MYO5B: variants seen among roughly 807,000 people sequenced by gnomAD.
The protein encoded by MYO5B is unconventional myosin-Vb.
MYO5B carries 143 observed loss-of-function variants against 229.3 expected under a neutral mutation model. That is an observed-to-expected ratio of 0.62 (90% confidence interval 0.54 to 0.72). The LOEUF (loss-of-function observed/expected upper bound fraction) is 0.72. Among genes scored for constraint, MYO5B ranks in the 30% least tolerant of loss-of-function variants. MYO5B has a pLI of 0.00. For missense variants in MYO5B, 2,321 were observed against 2,331.0 expected (o/e 1.00, Z 0.09); for synonymous variants, 918 against 885.2 (o/e 1.04, Z -0.66).
At chr18:50,010,065 G>C (rs947772232) in intron 4 of MYO5B, among the ~76,000 whole-genome samples, 1 of 152,244 alleles carries the variant, frequency 6.6e-6, no homozygotes, top group Admixed American at 6.5e-5. Context: ...CAGGAAGGCT[G>C]TCATGAATAT....
At chr18:49,843,532 A>G in intron 33 of MYO5B, 140 bp from the exon 34 acceptor site, 1 of 1,106,718 alleles carries the variant, frequency 9.0e-7, no homozygotes, top group East Asian at 2.6e-5. Context: ...GAGGATTGGG[A>G]GAGAAGCCAC....
chr18:49,854,072 G>A (rs2024232582), intron 30 of MYO5B, among the ~76,000 whole-genome samples: 1 of 152,188 alleles, frequency 6.6e-6, no homozygotes, highest in Admixed American at 6.5e-5. Context: ...TGGCAAAACT[G>A]AGCTAATTAT....
At chr18:50,138,679 T>C (rs2032372893) in intron 1 of MYO5B, among the ~76,000 whole-genome samples, 1 of 152,050 alleles carries the variant, frequency 6.6e-6, no homozygotes, top group South Asian at 2.1e-4. Context: ...AGTGAAATTA[T>C]GCTCAATAAC....
rs190121143 is a variant in MYO5B at position 49,835,442 on chromosome 18, G to A, written c.5314-18C>T. On this transcript the variant is annotated intron_variant, in intron 38 of 39. Transcript: ENST00000285039. ...TTGACAATCTGTTGGGGATAAAAAC[G>A]GAATTTAGCACAGAGCTAAATGAAC... is the stretch of plus-strand genomic sequence containing the variant. 61 of 1,527,612 alleles carry A rather than the reference G, an allele frequency of 4.0e-5. No individual in the cohort carries two copies. The highest frequency in any genetic ancestry group is 1.3e-4 in the East Asian group (6 of 44,498). The allele number at this position is 1,527,612 out of a possible 1,614,324, so 94.6% of individuals were successfully genotyped here.
intron 13 of MYO5B, 111 bp from the exon 14 acceptor site, chr18:49,953,454 G>A: frequency 1.1e-6 from 1 of 873,720 alleles, no homozygotes; most frequent in South Asian, 1.4e-5. Context: ...GAGTAGATAG[G>A]AAACCCACAG....
At chr18:50,106,956 T>G (rs2031772148) in intron 1 of MYO5B, among the ~76,000 whole-genome samples, 1 of 151,986 alleles carries the variant, frequency 6.6e-6, no homozygotes, top group Non-Finnish European at 1.5e-5. Context: ...CTGCCTTCAC[T>G]AAGGGAGGGT....
At chr18:49,828,230 GCAGTGGGATGACA>G (rs1396373162) in intron 39 of MYO5B, among the ~76,000 whole-genome samples, 1 of 152,208 alleles carries the variant, frequency 6.6e-6, no homozygotes, top group Non-Finnish European at 1.5e-5. Flanking sequence ...AGGCTAGGAG[GCAGTGGGATGACA>G]CAGCTCAAAT....
intron 16 of MYO5B, among the ~76,000 whole-genome samples, chr18:49,929,820 C>A (rs1598889743): frequency 6.6e-6 from 1 of 152,240 alleles, no homozygotes; most frequent in Admixed American, 6.5e-5. Flanking sequence ...CTGTTCTGTG[C>A]CTGAGGCTTT....
At chr18:49,916,172 G>A (rs1598880410) in intron 17 of MYO5B, among the ~76,000 whole-genome samples, 1 of 152,208 alleles carries the variant, frequency 6.6e-6, no homozygotes, top group African/African-American at 2.4e-5. Context: ...TTTCACTGGG[G>A]AAATAATTGA....
intron 1 of MYO5B, among the ~76,000 whole-genome samples, chr18:50,121,161 T>C (rs965405967): frequency 2.6e-5 from 4 of 152,194 alleles, no homozygotes; most frequent in Non-Finnish European, 4.4e-5. Context: ...GTCTCTTTCC[T>C]TCCCTCTGTG....
intron 1 of MYO5B, among the ~76,000 whole-genome samples, chr18:50,188,320 C>T (rs2033177257): frequency 6.6e-6 from 1 of 152,000 alleles, no homozygotes; most frequent in Non-Finnish European, 1.5e-5. Flanking sequence ...GAAGCCTTTC[C>T]CGCAATACTG....
In MYO5B at chr18:50,148,141, T is replaced by C. The variant is rs566642300; in HGVS notation, c.27+46626A>G. 8.6e-5 allele frequency among the ~76,000 whole-genome samples: 13 copies of C among 151,230 alleles called. No homozygotes were observed. The East Asian group carries it at 1.4e-3, about 16-fold the overall frequency. On this transcript the variant is annotated intron_variant, in intron 1 of 39. Coordinates refer to ENST00000285039, the MANE Select transcript of MYO5B (RefSeq NM_001080467.3). ...CTCCCAAGACTAAACCAGGAAGAAG[T>C]TGAATCTCTGAATAGACCAATAACA...
intron 4 of MYO5B, among the ~76,000 whole-genome samples, chr18:50,018,238 C>T (rs1474763528): frequency 6.6e-6 from 1 of 151,590 alleles, no homozygotes; most frequent in Non-Finnish European, 1.5e-5. Flanking sequence ...AGGTACATGC[C>T]ACCATGCCCA....
chr18:49,992,514 T>TCC (rs2025945074), intron 5 of MYO5B, 83 bp from the exon 6 acceptor site: 2 of 1,583,726 alleles, frequency 1.3e-6, no homozygotes, highest in South Asian at 1.1e-5. Context: ...GCAGCATGTG[T>TCC]CCCCTTTCTC....
At chr18:49,962,670 C>T (rs529146394) in intron 11 of MYO5B, among the ~76,000 whole-genome samples, 2 of 141,334 alleles carry the variant, frequency 1.4e-5, no homozygotes, top group Admixed American at 1.5e-4. Context: ...CCATATCTGG[C>T]TTGCTGTTGC....
intron 1 of MYO5B, among the ~76,000 whole-genome samples, chr18:50,057,262 C>T (rs1302889036): frequency 6.6e-6 from 1 of 152,228 alleles, no homozygotes; most frequent in Non-Finnish European, 1.5e-5. Context: ...AGGTGAGTGT[C>T]TGTCCTTCAG....
At position 49,932,804 on chromosome 18, in the gene MYO5B, T is replaced by C. The variant is rs952736377; in HGVS notation, c.2004-3206A>G. 3.3e-5 allele frequency among the ~76,000 whole-genome samples: 5 copies of C among 152,300 alleles called. No individual in the cohort carries two copies. The East Asian group carries it at 9.7e-4, about 29-fold the overall frequency. On this transcript the variant is annotated intron_variant, in intron 16 of 39. Coordinates refer to ENST00000285039, the MANE Select transcript of MYO5B (RefSeq NM_001080467.3). ...GGATATGGGAGGCCAGCTGGCCTTCTGTACTTCCTCTCCCCAACAGTAAAG... is the reference window on the plus strand; with the variant it reads ...GGATATGGGAGGCCAGCTGGCCTTCCGTACTTCCTCTCCCCAACAGTAAAG...
intron 26 of MYO5B, among the ~76,000 whole-genome samples, chr18:49,874,723 G>T (rs1386445099): frequency 6.6e-6 from 1 of 152,190 alleles, no homozygotes; most frequent in African/African-American, 2.4e-5. Flanking sequence ...ATTCAGGCCT[G>T]AGAACATACC....
At chr18:49,854,667 T>C (rs936333565) in intron 30 of MYO5B, among the ~76,000 whole-genome samples, 3 of 152,118 alleles carry the variant, frequency 2.0e-5, no homozygotes, top group African/African-American at 7.2e-5. Context: ...CACATAACAA[T>C]TATGACCAAG....
Sources: gnomAD v4.1 joint callset for allele counts (sites outside exome capture counted in the v4.1 genomes callset) on GRCh38, gnomAD v4.1.1 for gene constraint, MANE v1.5 for transcripts, NCBI Gene and HGNC (gene_info 2026-07-23, HGNC 2026-07-21) for gene names.